The following PC variants were observed in gnomAD, a reference collection of about 807,000 sequenced individuals.
PC encodes pyruvate carboxylase, mitochondrial.
Under a neutral mutation model 107.8 loss-of-function variants are expected in PC, and 46 were observed. The observed-to-expected ratio is 0.43, with a 90% CI of 0.34 to 0.55. The LOEUF is 0.55. PC is among the 20% of genes least tolerant of loss of function. PC has a pLI of 0.04. For synonymous variants in PC, 662 were observed against 684.7 expected (o/e 0.97, Z 0.52); for missense variants, 1,241 against 1,643.1 (o/e 0.76, Z 4.23).
In PC at chr11:66,924,763, C is replaced by T. The variant is rs367917978; in HGVS notation, c.-1+27667G>A. Among the ~76,000 whole-genome samples the T allele has an allele frequency of 1.1e-4, 16 of 152,284 alleles. No homozygotes were observed. The South Asian group carries it at 2.5e-3, about 24-fold the overall frequency. On this transcript the variant is annotated intron_variant, in intron 3 of 22. Transcript: ENST00000393960. ...GGCCTTGTGAGCCACTGAGCCTAGC[C>T]TATTATTCCTTCTTATTTGCAAACA...
chr11:66,923,815 C>T (rs1036342447), intron 3 of PC, among the ~76,000 whole-genome samples: 7 of 149,006 alleles, frequency 4.7e-5, no homozygotes, highest in East Asian at 2.0e-4. Flanking sequence ...CCACCATGCC[C>T]GGCCAATACA....
chr11:66,863,018 G>C (rs1946337615), intron 12 of PC, among the ~76,000 whole-genome samples: 2 of 148,484 alleles, frequency 1.3e-5, no homozygotes, highest in Admixed American at 6.7e-5. Flanking sequence ...TTGCCTGGTG[G>C]GGGGGGATCC....
At chr11:66,850,562 G>A (rs1036653528) in intron 18 of PC, 98 bp from the exon 19 acceptor site, 37 of 1,605,058 alleles carry the variant, frequency 2.3e-5, no homozygotes, top group Non-Finnish European at 2.8e-5. Context: ...GGTGACAGAA[G>A]GCGGCAAGGC....
intron 3 of PC, among the ~76,000 whole-genome samples, chr11:66,931,384 G>GAAAAA (rs60081578): frequency 7.1e-5 from 6 of 84,962 alleles, no homozygotes; most frequent in Non-Finnish European, 9.2e-5. Flanking sequence ...TCCATCTCAA[G>GAAAAA]AAAAAAAAAA....
chr11:66,879,255 T>C (rs111490736), intron 3 of PC, among the ~76,000 whole-genome samples: 6,142 of 152,316 alleles, frequency 0.04, 200 homozygotes, highest in African/African-American at 0.09. Context: ...AGGCTGACCA[T>C]GCACCCAATG....
chr11:66,911,249 T>A (rs970658325), intron 3 of PC, among the ~76,000 whole-genome samples: 2 of 152,280 alleles, frequency 1.3e-5, no homozygotes, highest in East Asian at 3.9e-4. Context: ...CCTTGTAGGA[T>A]GGCAACTGGA....
At chr11:66,939,804 CAAAAAA>C (rs56761659) in intron 3 of PC, among the ~76,000 whole-genome samples, 1 of 40,162 alleles carries the variant, frequency 2.5e-5, no homozygotes, top group East Asian at 9.3e-4. Context: ...AACTCCGTCT[CAAAAAA>C]AAAAAAAAAA....
intron 3 of PC, among the ~76,000 whole-genome samples, chr11:66,897,593 C>T (rs932200783): frequency 2.0e-5 from 3 of 151,964 alleles, no homozygotes; most frequent in Admixed American, 6.6e-5. Context: ...AAACAAAAAG[C>T]GAATAAAATA....
At position 66,879,372 on chromosome 11, in the gene PC, C is replaced by G. The variant is rs11227615; in HGVS notation, c.1-7213G>C. Among the ~76,000 whole-genome samples the G allele has an allele frequency of 6.0e-3, 919 of 152,332 alleles. 76 individuals are homozygous for G. The East Asian group carries it at 0.15, about 25-fold the overall frequency. On this transcript the variant is annotated intron_variant, in intron 3 of 22. Coordinates refer to ENST00000393960, the MANE Select transcript of PC (RefSeq NM_001040716.2). Reference sequence around the variant, plus strand: ...CCACGTGCTTTTGCCAATGCAGAAACCTGTCCCCAACATTCCTCTGCAAAG... The same window carrying G: ...CCACGTGCTTTTGCCAATGCAGAAAGCTGTCCCCAACATTCCTCTGCAAAG...
Position 66,851,240 on chromosome 11 carries a change from G to A in PC, c.2023C>T (p.Arg675Cys), listed in dbSNP as rs749163288. ...AAGTAGTTGAGGGAGTCAAACACAC[G>A]GAAGACATCCATGCCATTCTCTTTG... ...VAKENGMDVF[R>C]VFDSLNYLPN... is the part of the protein sequence containing the mutation. Residue 675 changes from arginine to cysteine, a missense_variant, in exon 17 of 23, where the codon CGT (arginine) becomes TGT (cysteine). Physicochemically the swap from Arg to Cys is radical, Grantham distance 180. Transcript: ENST00000393960. The A allele has an allele frequency of 6.2e-6, 10 of 1,604,018 alleles. No individual in the cohort carries two copies. Among genetic ancestry groups the A allele is most frequent in the Non-Finnish European group, 7.6e-6 (9 of 1,179,962 alleles).
At position 66,859,851 on chromosome 11, in the gene PC, G is replaced by A. The variant is rs372401390; in HGVS notation, c.1368+3923C>T. 266 of 1,565,010 alleles carry A rather than the reference G, an allele frequency of 1.7e-4. No individual in the cohort carries two copies. The highest frequency in any genetic ancestry group is 2.2e-4 in the Non-Finnish European group (255 of 1,154,790). Reference sequence around the variant, plus strand: ...GCTGGGCGGGACCCTGACCGTGGCCGTGGGGGGTGTGCTGGTGGCTGCCTT... The same window carrying A: ...GCTGGGCGGGACCCTGACCGTGGCCATGGGGGGTGTGCTGGTGGCTGCCTT... On this transcript the variant is annotated intron_variant, in intron 12 of 22. Transcript: ENST00000393960.
chr11:66,861,558 C>G (rs11227610), intron 12 of PC, among the ~76,000 whole-genome samples: 37,073 of 150,478 alleles, frequency 0.25, 4,589 homozygotes, highest in Middle Eastern at 0.33. Context: ...CTTCGAGAGC[C>G]TGGTTTAGAT....
rs139247778 is a variant in PC, at chr11:66,929,617, T to A, written c.-1+22813A>T. Among the ~76,000 whole-genome samples the A allele has an allele frequency of 3.6e-3, 542 of 152,288 alleles. 3 individuals are homozygous for A. The highest frequency in any genetic ancestry group is 4.3e-3 in the Non-Finnish European group (292 of 68,022). On this transcript the variant is annotated intron_variant, in intron 3 of 22. Coordinates refer to ENST00000393960, the MANE Select transcript of PC (RefSeq NM_001040716.2). ...CCTGAACTCAAGTGACCCACCCACC[T>A]CGGCCTCCCAAAGTGCTGGGATTAC...
At chr11:66,944,822 T>C (rs1451063431) in intron 3 of PC, among the ~76,000 whole-genome samples, 1 of 116,484 alleles carries the variant, frequency 8.6e-6, no homozygotes, top group Non-Finnish European at 1.9e-5. Flanking sequence ...TTGGGCCACA[T>C]GTGCATCAGA....
intron 12 of PC, among the ~76,000 whole-genome samples, chr11:66,862,238 G>A (rs1040906671): frequency 6.6e-6 from 1 of 152,206 alleles, no homozygotes; most frequent in Non-Finnish European, 1.5e-5. Context: ...CCCCCAACAG[G>A]GAGGCTGAGA....
Position 66,852,032 on chromosome 11 carries a change from T to C in PC, c.1826-86A>G. The C allele has an allele frequency of 7.2e-7, 1 of 1,398,522 alleles. No homozygotes were observed. The highest frequency in any genetic ancestry group is 1.2e-5 in the South Asian group (1 of 83,698). 86.6% of individuals were successfully genotyped at this position (1,398,522 alleles called of 1,614,324 possible). A position where few individuals can be genotyped will look rare whatever the true frequency, so the allele number is the denominator to read the frequency against. ...TGGAGCTAGCTCTGCAGCACAAGCCTCTGGCCCCAATACCAGGTCCTGCTC... is the reference window on the plus strand; with the variant it reads ...TGGAGCTAGCTCTGCAGCACAAGCCCCTGGCCCCAATACCAGGTCCTGCTC... On this transcript the variant is annotated intron_variant, in intron 15 of 22. Transcript: ENST00000393960. This position sits in a 1 kb window ranked among gnomAD's most constrained non-coding sequence, Gnocchi z 4.7.
At chr11:66,907,777 C>G (rs764047063) in intron 3 of PC, 3 of 152,254 alleles carry the variant, frequency 2.0e-5, no homozygotes, top group Non-Finnish European at 2.9e-5. Flanking sequence ...GCACCCCTAC[C>G]CAGGACAAAG....
At chr11:66,865,758 A>G (rs192871936) in intron 11 of PC, among the ~76,000 whole-genome samples, 254 of 151,418 alleles carry the variant, frequency 1.7e-3, no homozygotes, top group African/African-American at 6.0e-3. Context: ...CTCAGACTCC[A>G]TTGGGACCTC....
intron 3 of PC, among the ~76,000 whole-genome samples, chr11:66,946,092 CAAAAAAAAAA>C: frequency 1.5e-5 from 1 of 66,088 alleles, no homozygotes; most frequent in South Asian, 5.4e-4. Flanking sequence ...GACTCCGTCT[CAAAAAAAAAA>C]AAAAAAAAAA....
Sources: allele counts gnomAD v4.1 joint callset (sites outside exome capture counted in the v4.1 genomes callset), GRCh38; gene constraint gnomAD v4.1.1; non-coding constraint Gnocchi (gnomAD v3.1); transcripts MANE v1.5; gene names NCBI Gene and HGNC (gene_info 2026-07-23, HGNC 2026-07-21).